CAPN3: variants seen among roughly 807,000 people sequenced by gnomAD.
The protein encoded by CAPN3 is calpain 3.
CAPN3 carries 88 observed loss-of-function variants against 114.0 expected under a neutral mutation model. The ratio of observed to expected loss-of-function variants is 0.77; its 90% CI spans 0.65 to 0.92. The LOEUF is 0.92. CAPN3 is among the 40% of genes least tolerant of loss of function. The pLI, the probability that CAPN3 is intolerant of heterozygous loss-of-function variation, is 0.00. For synonymous variants in CAPN3, 386 were observed against 382.9 expected (o/e 1.01, Z -0.09); for missense variants, 1,028 against 1,069.0 (o/e 0.96, Z 0.53).
chr15:42,364,658 T>A (rs2052733226), intron 1 of CAPN3, among the ~76,000 whole-genome samples: 1 of 152,184 alleles, frequency 6.6e-6, no homozygotes, highest in Non-Finnish European at 1.5e-5. Flanking sequence ...TACATTTGGT[T>A]GTGAAAATCT....
chr15:42,390,424 C>G (rs937159113), intron 6 of CAPN3, among the ~76,000 whole-genome samples: 1 of 152,144 alleles, frequency 6.6e-6, no homozygotes, highest in Non-Finnish European at 1.5e-5. Flanking sequence ...TTCATTTATT[C>G]ATTCAACACT....
At position 42,406,089 on chromosome 15, in the gene CAPN3, C is replaced by T. The variant is rs531537038; in HGVS notation, c.1800+146C>T. ...CTCCTTCCTGAGCTTCTGCTGGGGC[C>T]GAGCGTGCAGTAATGACAACTACGA... On this transcript the variant is annotated intron_variant, in intron 15 of 23. Coordinates refer to ENST00000397163, the MANE Select transcript of CAPN3 (RefSeq NM_000070.3). The T allele has an allele frequency of 1.8e-5, 14 of 774,540 alleles. No homozygotes were observed. The Admixed American group carries it at 2.1e-4, about 12-fold the overall frequency. 48.0% of individuals were successfully genotyped at this position (774,540 alleles called of 1,614,324 possible).
intron 16 of CAPN3, chr15:42,408,659 G>A (rs2054099601): frequency 2.7e-6 from 1 of 375,284 alleles, no homozygotes; most frequent in African/African-American, 2.1e-5. Context: ...TGGTGGCCTT[G>A]AGCATTTCAC....
chr15:42,387,968 A>C lies in CAPN3; in HGVS notation c.632+82A>C, dbSNP rs1595821490. The C allele has an allele frequency of 3.2e-6, 5 of 1,551,068 alleles. No individual in the cohort carries two copies. In the East Asian group the frequency reaches 1.1e-4, roughly 35 times the overall value. On this transcript the variant is annotated intron_variant, in intron 4 of 23. Coordinates refer to ENST00000397163, the MANE Select transcript of CAPN3 (RefSeq NM_000070.3). The stretch of plus-strand genomic sequence containing the variant: ...ATCCAGCCGAGACCTCACTCACAGG[A>C]AGAGGCATGTGCCTCTATACGTGCA...
intron 1 of CAPN3, among the ~76,000 whole-genome samples, chr15:42,372,622 C>CG (rs2052982422): frequency 6.6e-6 from 1 of 152,100 alleles, no homozygotes; most frequent in African/African-American, 2.4e-5. Context: ...CCGAAGCAGG[C>CG]GGATTACCTG....
At chr15:42,373,457 C>T (rs1017789479) in intron 1 of CAPN3, among the ~76,000 whole-genome samples, 3 of 152,222 alleles carry the variant, frequency 2.0e-5, no homozygotes, top group Admixed American at 1.3e-4. Context: ...GTCCTCCTAG[C>T]GGGCAAGCTG....
chr15:42,412,076 C>T lies in CAPN3; in HGVS notation c.*303C>T, dbSNP rs1396167595. The T allele has an allele frequency of 3.3e-6, 5 of 1,532,788 alleles. No homozygotes were observed. Among genetic ancestry groups the T allele is most frequent in the Non-Finnish European group, 4.4e-6 (5 of 1,145,728 alleles). The allele number at this position is 1,532,788 out of a possible 1,614,324, so 94.9% of individuals were successfully genotyped here. On this transcript the variant is annotated 3_prime_UTR_variant, in exon 24 of 24. Coordinates refer to ENST00000397163, the MANE Select transcript of CAPN3 (RefSeq NM_000070.3). ...TTCTGAAGCGAGTGCTCCTGCTTAC[C>T]TTGCTCTAGGCTGTCTGCAGAAGCA...
intron 10 of CAPN3, 91 bp downstream of exon 10, chr15:42,399,743 C>G (rs2053813447): frequency 9.3e-7 from 1 of 1,078,820 alleles, no homozygotes; most frequent in South Asian, 1.6e-5. Context: ...CTCTCTGTTC[C>G]AGACGTCCAC....
intron 13 of CAPN3, 100 bp downstream of exon 13, chr15:42,403,102 CCTT>C: frequency 1.1e-6 from 1 of 919,560 alleles, no homozygotes; most frequent in Non-Finnish European, 1.8e-6. Context: ...CCTCCAGGGT[CCTT>C]CTGCTGCTCC....
At chr15:42,407,714 C>T (rs971561332) in intron 15 of CAPN3, among the ~76,000 whole-genome samples, 1 of 152,180 alleles carries the variant, frequency 6.6e-6, no homozygotes, top group Non-Finnish European at 1.5e-5. Flanking sequence ...GCCACTAATC[C>T]GTGTCCTTTT....
At chr15:42,396,996 T>G in intron 9 of CAPN3, 119 bp downstream of exon 9, 1 of 783,072 alleles carries the variant, frequency 1.3e-6, no homozygotes, top group African/African-American at 1.7e-5. Context: ...CTGGGCTGTG[T>G]TCTCCTCCAG....
chr15:42,402,780 T>G lies in CAPN3; in HGVS notation c.1537-14T>G. 1.9e-6 allele frequency: 3 copies of G among 1,613,610 alleles called. No homozygotes were observed. Among genetic ancestry groups the G allele is most frequent in the Admixed American group, 1.7e-5 (1 of 60,026 alleles). ...CGAGGGGCTCATGTGCCCTGGGCTC[T>G]CCCCATCTCTCAGATGCACGGGAAC... On this transcript the variant is annotated splice_polypyrimidine_tract_variant and intron_variant, in intron 12 of 23. Coordinates refer to ENST00000397163, the MANE Select transcript of CAPN3 (RefSeq NM_000070.3).
chr15:42,362,740 A>G (rs1038731280), intron 1 of CAPN3, among the ~76,000 whole-genome samples: 25 of 152,242 alleles, frequency 1.6e-4, no homozygotes, highest in Admixed American at 1.3e-4. Flanking sequence ...ACTTATCTAC[A>G]GCCACACAAG....
intron 9 of CAPN3, among the ~76,000 whole-genome samples, chr15:42,398,343 G>C (rs1279379937): frequency 6.6e-6 from 1 of 152,038 alleles, no homozygotes; most frequent in African/African-American, 2.4e-5. Flanking sequence ...CCAGCACCTT[G>C]GGAGGCTGAG....
At chr15:42,404,974 T>C in intron 14 of CAPN3, 1 of 994,198 alleles carries the variant, frequency 1.0e-6, no homozygotes, top group Non-Finnish European at 1.2e-6. Flanking sequence ...AGCAGGCAGG[T>C]GCAGGGGTTT....
intron 1 of CAPN3, among the ~76,000 whole-genome samples, chr15:42,368,622 C>G (rs2052849986): frequency 6.6e-6 from 1 of 152,204 alleles, no homozygotes; most frequent in Non-Finnish European, 1.5e-5. Context: ...TGTAGTTCCC[C>G]TAGGAGCAAT....
rs879491385 is a variant in CAPN3, at chr15:42,409,813, C to T, written c.2019C>T (p.Leu673=). 5.7e-6 allele frequency: 9 copies of T among 1,570,870 alleles called. No homozygotes were observed. The highest frequency in any genetic ancestry group is 6.9e-6 in the Non-Finnish European group (8 of 1,164,666). Residue 673 remains leucine (L), a synonymous_variant, in exon 18 of 24, where the codon CTC becomes CTT. Transcript: ENST00000397163. ...GDDMEICADE[L]KKVLNTVVNK... is the part of the protein sequence containing the mutation. ...ACATGGAGATCTGTGCAGATGAGCT[C>T]AAGAAGGTCCTTAACACAGTCGTGA...
At chr15:42,360,290 T>G (rs1595794714) in intron 1 of CAPN3, among the ~76,000 whole-genome samples, 176 bp downstream of exon 1, 1 of 152,070 alleles carries the variant, frequency 6.6e-6, no homozygotes. Context: ...TCTCAGATAT[T>G]TCACCAAATC....
At chr15:42,392,207 A>C (rs571026645) in intron 6 of CAPN3, among the ~76,000 whole-genome samples, 1 of 152,082 alleles carries the variant, frequency 6.6e-6, no homozygotes, top group African/African-American at 2.4e-5. Flanking sequence ...CTAGACTTAC[A>C]TGTGTCACTT....
Sources: gnomAD v4.1 joint callset for allele counts (sites outside exome capture counted in the v4.1 genomes callset) on GRCh38, gnomAD v4.1.1 for gene constraint, MANE v1.5 for transcripts, NCBI Gene and HGNC (gene_info 2026-07-23, HGNC 2026-07-21) for gene names.